Variants in SSH2 observed in about 807,000 individuals in gnomAD.
The protein encoded by SSH2 is protein phosphatase Slingshot homolog 2.
A neutral mutation model predicts 135.2 loss-of-function variants in SSH2; 37 were observed. The observed-to-expected ratio is 0.27, with a 90% CI of 0.21 to 0.36. The LOEUF (loss-of-function observed/expected upper bound fraction) is 0.36. Among genes scored for constraint, SSH2 ranks in the 10% least tolerant of loss-of-function variants. The probability of loss-of-function intolerance (pLI) is 1.00; values close to 1 mark genes in which losing one functional copy is unlikely to be tolerated. For missense variants in SSH2, 1,408 were observed against 1,765.3 expected, an observed-to-expected ratio of 0.80 and a Z score of 3.63; for synonymous variants, 628 against 646.2, an observed-to-expected ratio of 0.97 and a Z score of 0.43.
chr17:29,848,811 A>C (rs1373740574), intron 2 of SSH2, 38 bp downstream of exon 2: 4 of 1,333,676 alleles, frequency 3.0e-6, no homozygotes, highest in African/African-American at 1.5e-5. Context: ...ATTTTACTTG[A>C]ATCACCAAAG....
chr17:29,882,140 G>C (rs1422949564), intron 1 of SSH2, among the ~76,000 whole-genome samples: 1 of 152,204 alleles, frequency 6.6e-6, no homozygotes, highest in Non-Finnish European at 1.5e-5. Context: ...TTTGGAAAAT[G>C]ATGTCTGGAG....
chr17:29,810,421 A>G (rs2042421233), intron 2 of SSH2, among the ~76,000 whole-genome samples: 1 of 152,224 alleles, frequency 6.6e-6, no homozygotes, highest in African/African-American at 2.4e-5. Context: ...TTAGATAGTC[A>G]TATCTAGCAA....
chr17:29,722,739 G>A (rs1458720640), intron 3 of SSH2, among the ~76,000 whole-genome samples: 2 of 152,158 alleles, frequency 1.3e-5, no homozygotes. Context: ...GTGGGGAGGG[G>A]CAGTACAGGA....
chr17:29,903,593 T>TA (rs1368836568), intron 1 of SSH2, among the ~76,000 whole-genome samples: 1 of 152,168 alleles, frequency 6.6e-6, no homozygotes, highest in Non-Finnish European at 1.5e-5. Flanking sequence ...ATCTCCCTGA[T>TA]AAATCCCTTA....
chr17:29,750,763 C>T (rs2151229338), intron 3 of SSH2, among the ~76,000 whole-genome samples: 1 of 151,168 alleles, frequency 6.6e-6, no homozygotes, highest in South Asian at 2.1e-4. Context: ...TGCCTGTAAT[C>T]TCAGCACTTT....
intron 5 of SSH2, among the ~76,000 whole-genome samples, chr17:29,686,924 C>G (rs920179152): frequency 6.6e-6 from 1 of 152,216 alleles, no homozygotes; most frequent in Non-Finnish European, 1.5e-5. Flanking sequence ...ATCCACCCAC[C>G]TCAGCCTCCC....
intron 4 of SSH2, among the ~76,000 whole-genome samples, chr17:29,696,738 G>A (rs1348264031): frequency 6.6e-6 from 1 of 150,546 alleles, no homozygotes; most frequent in East Asian, 2.0e-4. Flanking sequence ...CCAGGCTGGA[G>A]TGCAGTGGTG....
chr17:29,792,852 A>G (rs543312139), intron 3 of SSH2, among the ~76,000 whole-genome samples: 16 of 152,070 alleles, frequency 1.1e-4, no homozygotes, highest in African/African-American at 3.4e-4. Context: ...TATTTTTTGT[A>G]TTTAGTGGAG....
intron 1 of SSH2, among the ~76,000 whole-genome samples, chr17:29,859,202 C>T (rs2065716537): frequency 6.6e-6 from 1 of 152,134 alleles, no homozygotes; most frequent in Non-Finnish European, 1.5e-5. Flanking sequence ...TGGCTCCCTT[C>T]CTCTATCTTC....
At chr17:29,800,696 C>T (rs755573364) in intron 2 of SSH2, among the ~76,000 whole-genome samples, 30 of 151,352 alleles carry the variant, frequency 2.0e-4, no homozygotes, top group Non-Finnish European at 3.5e-4. Context: ...AATTAAATGA[C>T]TAAATATTTG....
intron 3 of SSH2, among the ~76,000 whole-genome samples, chr17:29,783,257 AAATAT>A (rs2041879968): frequency 6.8e-6 from 1 of 147,348 alleles, no homozygotes; most frequent in Non-Finnish European, 1.5e-5. Flanking sequence ...AACTTTATAT[AAATAT>A]AATATTTATA....
Position 29,894,710 on chromosome 17 carries a change from A to G in SSH2, c.63+35228T>C, listed in dbSNP as rs985031174. 2.0e-5 allele frequency among the ~76,000 whole-genome samples: 3 copies of G among 151,822 alleles called. No homozygotes were observed. In the East Asian group the frequency reaches 5.8e-4, roughly 29 times the overall value. On this transcript the variant is annotated intron_variant, in intron 1 of 15. Coordinates refer to ENST00000540801, the MANE Select transcript of SSH2 (RefSeq NM_001282129.2). Reference sequence around the variant, plus strand: ...CTCAAGATGTTCACCACCCACTCCCACCACTTAAACTGGCCCCAGTATTCT... The same window carrying G: ...CTCAAGATGTTCACCACCCACTCCCGCCACTTAAACTGGCCCCAGTATTCT...
chr17:29,653,264 C>T (rs1217166163), intron 12 of SSH2, among the ~76,000 whole-genome samples: 1 of 152,200 alleles, frequency 6.6e-6, no homozygotes, highest in African/African-American at 2.4e-5. Flanking sequence ...ATAGGCAGCA[C>T]TATATGTGGT....
At chr17:29,888,864 C>T (rs1445793537) in intron 1 of SSH2, among the ~76,000 whole-genome samples, 5 of 125,896 alleles carry the variant, frequency 4.0e-5, no homozygotes, top group South Asian at 2.7e-4. Context: ...CACTTGAGCT[C>T]GGAGGGTTGA....
chr17:29,722,496 A>G (rs2039856974), intron 3 of SSH2, among the ~76,000 whole-genome samples: 1 of 152,180 alleles, frequency 6.6e-6, no homozygotes. Context: ...CCAAAAACCA[A>G]AAGATAATGC....
chr17:29,820,723 A>G (rs2151341881), intron 2 of SSH2, among the ~76,000 whole-genome samples: 1 of 152,342 alleles, frequency 6.6e-6, no homozygotes, highest in East Asian at 1.9e-4. Context: ...TTTCTGATAC[A>G]AAGAGTGCTG....
chr17:29,639,047 T>C (rs774367257), intron 14 of SSH2, among the ~76,000 whole-genome samples: 12 of 152,084 alleles, frequency 7.9e-5, no homozygotes, highest in Non-Finnish European at 1.8e-4. Flanking sequence ...CTAGTAAATT[T>C]GGAGAGAAAG....
chr17:29,854,319 A>G (rs2065622701), intron 1 of SSH2, among the ~76,000 whole-genome samples: 1 of 151,932 alleles, frequency 6.6e-6, no homozygotes, highest in Non-Finnish European at 1.5e-5. Context: ...AAAAAGGGAA[A>G]GGTAACTGAA....
intron 2 of SSH2, among the ~76,000 whole-genome samples, chr17:29,844,081 A>G (rs1183979092): frequency 6.6e-6 from 1 of 152,136 alleles, no homozygotes; most frequent in Non-Finnish European, 1.5e-5. Flanking sequence ...CTTTTCTTTA[A>G]TAACACAAAA....
Sources: allele counts gnomAD v4.1 joint callset (sites outside exome capture counted in the v4.1 genomes callset), GRCh38; gene constraint gnomAD v4.1.1; transcripts MANE v1.5; gene names NCBI Gene and HGNC (gene_info 2026-07-23, HGNC 2026-07-21).